The following SUSD4 variants were observed in gnomAD, a reference collection of about 807,000 sequenced individuals.
The protein encoded by SUSD4 is sushi domain-containing protein 4.
Under a neutral mutation model 50.5 loss-of-function variants are expected in SUSD4, and 41 were observed. The ratio of observed to expected loss-of-function variants is 0.81; its 90% CI spans 0.63 to 1.05. SUSD4 has a LOEUF of 1.05. Ranked by LOEUF, SUSD4 falls within the 50% of genes least tolerant of loss-of-function variation. The pLI is 0.00. For synonymous variants in SUSD4, 257 were observed against 257.3 expected, an observed-to-expected ratio of 1.00 and a Z score of 0.01; for missense variants, 580 against 634.7, an observed-to-expected ratio of 0.91 and a Z score of 0.93.
chr1:223,283,469 CAT>C (rs1360586311), intron 3 of SUSD4, among the ~76,000 whole-genome samples: 2 of 152,136 alleles, frequency 1.3e-5, no homozygotes, highest in Non-Finnish European at 2.9e-5. Flanking sequence ...AGCCAACAGA[CAT>C]ATGAAAAAAT....
chr1:223,341,574 G>A (rs984734111), intron 2 of SUSD4, among the ~76,000 whole-genome samples: 6 of 152,020 alleles, frequency 3.9e-5, no homozygotes, highest in African/African-American at 1.2e-4. Flanking sequence ...AAATGCCAGC[G>A]GTCTCCAGAT....
chr1:223,346,465 T>C (rs1572108595), intron 2 of SUSD4, among the ~76,000 whole-genome samples: 1 of 152,138 alleles, frequency 6.6e-6, no homozygotes, highest in African/African-American at 2.4e-5. Context: ...GCAGATGACG[T>C]TAGCTGGCAA....
In SUSD4 at chr1:223,223,109, C is replaced by T. The variant is rs542670438; in HGVS notation, c.1444+140G>A. Reference sequence around the variant, plus strand: ...CTCTACATGGAGAGAGAGCATGAAGCAATTTAAGCTGAGTGAGAGGTAAAC... The same window carrying T: ...CTCTACATGGAGAGAGAGCATGAAGTAATTTAAGCTGAGTGAGAGGTAAAC... On this transcript the variant is annotated intron_variant, in intron 8 of 8. Transcript: ENST00000366878. The T allele has an allele frequency of 2.3e-4, 287 of 1,239,812 alleles. 2 individuals carry two copies. In the South Asian group the frequency reaches 6.3e-3, roughly 27 times the overall value. 76.8% of individuals were successfully genotyped at this position (1,239,812 alleles called of 1,614,324 possible).
At chr1:223,303,081 G>A (rs990565857) in intron 2 of SUSD4, among the ~76,000 whole-genome samples, 1 of 152,074 alleles carries the variant, frequency 6.6e-6, no homozygotes, top group African/African-American at 2.4e-5. Context: ...CCAGGAGTTC[G>A]AGGCTATAGT....
intron 8 of SUSD4, among the ~76,000 whole-genome samples, chr1:223,222,756 A>G (rs1425021125): frequency 6.6e-6 from 1 of 152,156 alleles, no homozygotes; most frequent in Non-Finnish European, 1.5e-5. Context: ...CTTTTACTTC[A>G]CATCTGGTAA....
At chr1:223,261,337 T>C (rs1445242824) in intron 5 of SUSD4, among the ~76,000 whole-genome samples, 1 of 152,224 alleles carries the variant, frequency 6.6e-6, no homozygotes, top group Non-Finnish European at 1.5e-5. Context: ...CAGAACATGT[T>C]AAATAGACAA....
chr1:223,350,497 A>G (rs1282546396), intron 2 of SUSD4, among the ~76,000 whole-genome samples: 2 of 152,220 alleles, frequency 1.3e-5, no homozygotes, highest in Admixed American at 6.5e-5. Flanking sequence ...GGCGCAAGTC[A>G]AGGCCAGACA....
intron 2 of SUSD4, among the ~76,000 whole-genome samples, chr1:223,351,174 T>C (rs1304395426): frequency 3.3e-5 from 5 of 152,230 alleles, no homozygotes; most frequent in Admixed American, 6.5e-5. Flanking sequence ...ACCAAAGCAG[T>C]AGAGCAAGGA....
At chr1:223,251,652 T>C (rs896319928) in intron 5 of SUSD4, among the ~76,000 whole-genome samples, 2 of 152,222 alleles carry the variant, frequency 1.3e-5, no homozygotes, top group African/African-American at 4.8e-5. Flanking sequence ...CAGTCTATCA[T>C]TGTTGGACAT....
Position 223,227,740 on chromosome 1 carries a change from T to A in SUSD4, c.917-2A>T. ...CATGGGTGCTGGGCCACGTTTGCTC[T>A]GCATGAGGGAGAACAAAGCTGTACG... On this transcript the variant is annotated splice_acceptor_variant, in intron 6 of 8. Transcript: ENST00000366878. LOFTEE classifies it high-confidence loss of function. The surrounding 1 kb of genome is among the most constrained non-coding windows in gnomAD (Gnocchi z 4.5). The A allele has an allele frequency of 6.2e-7, 1 of 1,609,382 alleles. No homozygotes were observed. Among genetic ancestry groups the A allele is most frequent in the South Asian group, 1.1e-5 (1 of 90,164 alleles).
chr1:223,351,644 C>T lies in SUSD4; in HGVS notation c.148+11634G>A, dbSNP rs1572121628. Among the ~76,000 whole-genome samples the T allele has an allele frequency of 3.9e-5, 6 of 152,194 alleles. 1 individual carries two copies. The highest frequency in any genetic ancestry group is 3.9e-4 in the Admixed American group (6 of 15,284). Reference sequence around the variant, plus strand: ...TGGAAAGGCCAGCTGGAGGAGAGGGCACAGAGGCTTAGGGTAGAGTCAATG... The same window carrying T: ...TGGAAAGGCCAGCTGGAGGAGAGGGTACAGAGGCTTAGGGTAGAGTCAATG... On this transcript the variant is annotated intron_variant, in intron 2 of 8. Coordinates refer to ENST00000366878, the MANE Select transcript of SUSD4 (RefSeq NM_017982.4).
intron 2 of SUSD4, among the ~76,000 whole-genome samples, chr1:223,312,389 C>T (rs73122273): frequency 0.016 from 2,448 of 152,264 alleles, 65 homozygotes; most frequent in African/African-American, 0.054. Context: ...ATCACTCACT[C>T]GGGCTCCTGG....
intron 8 of SUSD4, 93 bp downstream of exon 8, chr1:223,223,156 G>T (rs919705499): frequency 2.7e-6 from 4 of 1,465,544 alleles, no homozygotes; most frequent in African/African-American, 2.8e-5. Context: ...ACTCTGTGCT[G>T]GGGGGTGGAG....
upstream of SUSD4, among the ~76,000 whole-genome samples, chr1:223,364,698 C>G (rs1489728032): frequency 6.6e-6 from 1 of 151,380 alleles, no homozygotes; most frequent in Non-Finnish European, 1.5e-5. This position sits in a 1 kb window ranked among gnomAD's most constrained non-coding sequence, Gnocchi z 4.5. Context: ...GAGAGCGCTC[C>G]GCCCTAGAAC....
chr1:223,305,009 G>C (rs748382907), intron 2 of SUSD4, among the ~76,000 whole-genome samples: 8 of 151,402 alleles, frequency 5.3e-5, no homozygotes, highest in Non-Finnish European at 1.0e-4. Flanking sequence ...AAGTGTCTTT[G>C]ATGATTTTGA....
intron 2 of SUSD4, among the ~76,000 whole-genome samples, chr1:223,343,219 A>G (rs998249233): frequency 2.0e-5 from 3 of 152,036 alleles, no homozygotes; most frequent in Non-Finnish European, 2.9e-5. Context: ...GTTCAAATCT[A>G]TCACCTCTCC....
At chr1:223,317,851 C>CTTTTTTTTTTTTT (rs1172641015) in intron 2 of SUSD4, among the ~76,000 whole-genome samples, 23 of 100,728 alleles carry the variant, frequency 2.3e-4, no homozygotes, top group East Asian at 1.5e-3. Flanking sequence ...TTTTTTTTTT[C>CTTTTTTTTTTTTT]TTTTTTTTTT....
intron 3 of SUSD4, among the ~76,000 whole-genome samples, chr1:223,288,273 T>G (rs1186222029): frequency 6.6e-6 from 1 of 152,182 alleles, no homozygotes; most frequent in Non-Finnish European, 1.5e-5. Context: ...CTGTGTGCTC[T>G]CTCTCTCCTG....
intron 4 of SUSD4, among the ~76,000 whole-genome samples, chr1:223,267,942 G>A (rs2103081279): frequency 6.8e-6 from 1 of 147,086 alleles, no homozygotes; most frequent in Admixed American, 6.9e-5. Context: ...AAAAATGCAA[G>A]GGAATAAATA....
Sources: allele counts gnomAD v4.1 joint callset (sites outside exome capture counted in the v4.1 genomes callset), GRCh38; gene constraint gnomAD v4.1.1; non-coding constraint Gnocchi (gnomAD v3.1); transcripts MANE v1.5; gene names NCBI Gene and HGNC (gene_info 2026-07-23, HGNC 2026-07-21).